MCTP1: variants seen among roughly 807,000 people sequenced by gnomAD.
The protein encoded by MCTP1 is multiple C2 and transmembrane domain containing 1.
In MCTP1, 69 loss-of-function variants were observed where a neutral mutation model predicts 120.6. That is an observed-to-expected ratio of 0.57 (90% CI 0.47 to 0.70). The LOEUF is 0.70. Among genes scored for constraint, MCTP1 ranks in the 30% least tolerant of loss-of-function variants. The pLI, the probability that MCTP1 is intolerant of heterozygous loss-of-function variation, is 0.00. For missense variants in MCTP1, 1,203 were observed against 1,248.8 expected, an observed-to-expected ratio of 0.96 and a Z score of 0.55; for synonymous variants, 529 against 493.1, an observed-to-expected ratio of 1.07 and a Z score of -0.96.
intron 19 of MCTP1, among the ~76,000 whole-genome samples, chr5:94,750,722 G>T (rs1433106690): frequency 1.3e-5 from 2 of 152,156 alleles, no homozygotes; most frequent in African/African-American, 4.8e-5. Context: ...AAAGCATTGT[G>T]GTCTTAAGCC....
intron 19 of MCTP1, among the ~76,000 whole-genome samples, chr5:94,745,129 G>A (rs1331254945): frequency 1.3e-5 from 2 of 152,200 alleles, no homozygotes; most frequent in African/African-American, 2.4e-5. Context: ...TACTGGATAC[G>A]CCTGAGTGCA....
intron 22 of MCTP1, among the ~76,000 whole-genome samples, chr5:94,708,063 C>T (rs1366725861): frequency 2.0e-5 from 3 of 151,878 alleles, no homozygotes; most frequent in Non-Finnish European, 1.5e-5. Flanking sequence ...ATGCTCCACT[C>T]TTCAAAAAGC....
intron 19 of MCTP1, among the ~76,000 whole-genome samples, chr5:94,737,012 G>A (rs73150166): frequency 0.08 from 12,224 of 152,062 alleles, 546 homozygotes; most frequent in South Asian, 0.12. Context: ...TTGGAGACAG[G>A]ATCTTGCTCT....
chr5:94,954,766 G>A lies in MCTP1; in HGVS notation c.839-1405C>T, dbSNP rs116647515. Among the ~76,000 whole-genome samples the A allele has an allele frequency of 2.2e-3, 337 of 152,260 alleles. 1 individual carries two copies. The highest frequency in any genetic ancestry group is 7.8e-3 in the African/African-American group (322 of 41,548). On this transcript the variant is annotated intron_variant, in intron 2 of 22. Coordinates refer to ENST00000515393, the MANE Select transcript of MCTP1 (RefSeq NM_024717.7). ...GGCTTAGGAAAAGATGCGTGTTAAA[G>A]TGGGCTTCATTTCATCCTTGGTCCC...
rs1754094313 is a variant in MCTP1 at position 94,704,493 on chromosome 5, T to C, written c.*3003A>G. 6.6e-6 allele frequency: 1 copy of C among 151,410 alleles called. No individual in the cohort carries two copies. Among genetic ancestry groups the C allele is most frequent in the Non-Finnish European group, 1.5e-5 (1 of 67,600 alleles). The allele number at this position is 151,410 out of a possible 1,614,324, so 9.4% of individuals were successfully genotyped here. On this transcript the variant is annotated 3_prime_UTR_variant, in exon 23 of 23. Transcript: ENST00000515393. ...CTTTGAGCATAGGAGACCTTAGATA[T>C]GAGATCAAAGTGGAAAAAAAGCTCC...
chr5:94,756,530 G>A (rs989485649), intron 19 of MCTP1, among the ~76,000 whole-genome samples: 4 of 152,212 alleles, frequency 2.6e-5, no homozygotes, highest in African/African-American at 9.7e-5. Flanking sequence ...AGAGGCTGGT[G>A]AATAGGCGAT....
At chr5:95,187,014 G>A (rs1749279974) in intron 1 of MCTP1, among the ~76,000 whole-genome samples, 1 of 152,200 alleles carries the variant, frequency 6.6e-6, no homozygotes, top group Non-Finnish European at 1.5e-5. Context: ...ATGCAAATTA[G>A]TACAACTACT....
At chr5:94,776,310 A>G (rs568327622) in intron 19 of MCTP1, among the ~76,000 whole-genome samples, 1 of 152,238 alleles carries the variant, frequency 6.6e-6, no homozygotes, top group Non-Finnish European at 1.5e-5. Flanking sequence ...GCTGGCTCTA[A>G]AGAAAGACAC....
chr5:94,905,055 T>C (rs997157907), intron 10 of MCTP1, among the ~76,000 whole-genome samples: 1 of 152,146 alleles, frequency 6.6e-6, no homozygotes, highest in Non-Finnish European at 1.5e-5. Context: ...TTAAATAGGC[T>C]TGGTATGGAC....
At chr5:95,081,336 G>A in intron 1 of MCTP1, 4 of 1,105,792 alleles carry the variant, frequency 3.6e-6, no homozygotes, top group Non-Finnish European at 5.3e-6. Flanking sequence ...CCCGTGAGAA[G>A]GCATTTTTCT....
At chr5:94,736,178 A>AGC (rs1040398231) in intron 19 of MCTP1, among the ~76,000 whole-genome samples, 2 of 152,256 alleles carry the variant, frequency 1.3e-5, no homozygotes, top group African/African-American at 4.8e-5. Context: ...TTGCTATGGT[A>AGC]GCACAGTCCC....
chr5:95,139,898 C>T (rs754464263), intron 1 of MCTP1, among the ~76,000 whole-genome samples: 2 of 152,172 alleles, frequency 1.3e-5, no homozygotes, highest in Non-Finnish European at 2.9e-5. Context: ...TATTTACAAG[C>T]TTTGCTTTAA....
At chr5:94,914,790 T>C (rs1314449721) in intron 8 of MCTP1, among the ~76,000 whole-genome samples, 2 of 152,220 alleles carry the variant, frequency 1.3e-5, no homozygotes, top group Admixed American at 6.5e-5. Flanking sequence ...CATTGGATTT[T>C]GTTGAACAGA....
At chr5:95,278,802 A>C (rs1347643806) in intron 1 of MCTP1, among the ~76,000 whole-genome samples, 2 of 152,012 alleles carry the variant, frequency 1.3e-5, no homozygotes, top group African/African-American at 4.8e-5. Context: ...GTCTCTACTA[A>C]AAATACAAAA....
chr5:95,226,071 T>A (rs1296464491), intron 1 of MCTP1, among the ~76,000 whole-genome samples: 1 of 152,092 alleles, frequency 6.6e-6, no homozygotes, highest in African/African-American at 2.4e-5. Flanking sequence ...CGCGGTGACT[T>A]GTGAGATTTT....
chr5:94,841,088 C>A (rs1277509636), intron 17 of MCTP1, among the ~76,000 whole-genome samples: 2 of 152,180 alleles, frequency 1.3e-5, no homozygotes, highest in Non-Finnish European at 2.9e-5. Context: ...ATAGAGCTGG[C>A]TGCTTGGCAT....
chr5:94,909,220 G>A (rs777744537), intron 10 of MCTP1, 31 bp downstream of exon 10: 2 of 1,609,450 alleles, frequency 1.2e-6, no homozygotes, highest in Non-Finnish European at 1.7e-6. Context: ...AATGCTCTAG[G>A]AGTGAACCAA....
intron 1 of MCTP1, among the ~76,000 whole-genome samples, chr5:95,193,164 A>G (rs568906019): frequency 1.3e-5 from 2 of 152,308 alleles, no homozygotes; most frequent in South Asian, 4.1e-4. Flanking sequence ...ACATCTAAAG[A>G]GATTTAAAAG....
At chr5:94,826,659 C>T in intron 17 of MCTP1, 1 of 735,962 alleles carries the variant, frequency 1.4e-6, no homozygotes, top group Non-Finnish European at 2.4e-6. Flanking sequence ...TCTGGCACAG[C>T]AGGAACCTTC....
Sources: allele counts gnomAD v4.1 joint callset (sites outside exome capture counted in the v4.1 genomes callset), GRCh38; gene constraint gnomAD v4.1.1; transcripts MANE v1.5; gene names NCBI Gene and HGNC (gene_info 2026-07-23, HGNC 2026-07-21).